Variants in RBFOX1 observed in about 807,000 individuals in gnomAD.
RBFOX1 encodes the protein RNA binding fox-1 homolog 1.
In RBFOX1, 8 loss-of-function variants were observed where a neutral mutation model predicts 57.7. The ratio of observed to expected loss-of-function variants is 0.14; its 90% CI spans 0.08 to 0.25. The LOEUF (loss-of-function observed/expected upper bound fraction) is 0.25, where lower values mean the gene tolerates loss of function less well. RBFOX1 is among the 10% of genes least tolerant of loss of function. The pLI, the probability that RBFOX1 is intolerant of heterozygous loss-of-function variation, is 1.00. For missense variants in RBFOX1, 611 were observed against 548.5 expected (o/e 1.11, Z -1.14); for synonymous variants, 326 against 222.4 (o/e 1.47, Z -4.15).
Position 5,878,029 on chromosome 16 carries a change from G to A in RBFOX1, c.351+10694G>A, listed in dbSNP as rs376610003. Reference sequence around the variant, plus strand: ...TGCTCTAGAACCAGTAAGGGGCATTGGAGACTATATACACAGACACCACAT... The same window carrying A: ...TGCTCTAGAACCAGTAAGGGGCATTAGAGACTATATACACAGACACCACAT... On this transcript the variant is annotated intron_variant, in intron 4 of 19. Coordinates refer to the RBFOX1 transcript ENST00000641259. Among the ~76,000 whole-genome samples, 9 of 152,306 alleles carry A rather than the reference G, an allele frequency of 5.9e-5. No homozygotes were observed. In the East Asian group the frequency reaches 1.2e-3, roughly 20 times the overall value.
intron 2 of RBFOX1, among the ~76,000 whole-genome samples, chr16:6,550,445 C>A (rs1264443646): frequency 6.6e-6 from 1 of 152,190 alleles, no homozygotes; most frequent in African/African-American, 2.4e-5. Context: ...TTCACCTAGG[C>A]CTCCCAAAGT....
chr16:6,280,208 A>C (rs1000394346), intron 1 of RBFOX1, among the ~76,000 whole-genome samples: 1 of 152,138 alleles, frequency 6.6e-6, no homozygotes, highest in African/African-American at 2.4e-5. Flanking sequence ...GCATTGTCCA[A>C]AGACTCTCTG....
At chr16:6,980,924 TC>T (rs1299557746) in intron 3 of RBFOX1, among the ~76,000 whole-genome samples, 4 of 150,530 alleles carry the variant, frequency 2.7e-5, no homozygotes, top group Non-Finnish European at 4.4e-5. Flanking sequence ...GTGCTTGTAA[TC>T]CCAATTAATC....
At chr16:5,303,374 G>A (rs2063851645) in intron 1 of RBFOX1, among the ~76,000 whole-genome samples, 1 of 152,222 alleles carries the variant, frequency 6.6e-6, no homozygotes, top group Admixed American at 6.5e-5. Context: ...TGCAGTAAAT[G>A]CTAGTCTTTT....
chr16:5,623,095 G>C lies in RBFOX1; in HGVS notation c.318+24134G>C, dbSNP rs9939227. On this transcript the variant is annotated intron_variant, in intron 3 of 19. Coordinates refer to the RBFOX1 transcript ENST00000641259. Reference sequence around the variant, plus strand: ...AACCAACCCCTCATGAACACCAAGGGATGACTGTGCTGTCTGGCCATTTCA... The same window carrying C: ...AACCAACCCCTCATGAACACCAAGGCATGACTGTGCTGTCTGGCCATTTCA... 5.3e-3 allele frequency among the ~76,000 whole-genome samples: 811 copies of C among 152,288 alleles called. 8 individuals are homozygous for C. The highest frequency in any genetic ancestry group is 0.019 in the African/African-American group (773 of 41,552).
intron 3 of RBFOX1, among the ~76,000 whole-genome samples, chr16:5,621,473 G>A (rs1470132214): frequency 6.6e-6 from 1 of 152,160 alleles, no homozygotes; most frequent in East Asian, 1.9e-4. Flanking sequence ...AGATACCGCT[G>A]TCAGTCATTG....
At chr16:7,061,317 T>A (rs111720258) in intron 4 of RBFOX1, among the ~76,000 whole-genome samples, 1 of 152,220 alleles carries the variant, frequency 6.6e-6, no homozygotes, top group Non-Finnish European at 1.5e-5. Flanking sequence ...AGAGCTTGTA[T>A]GTTCTCCAGT....
chr16:6,213,414 C>G (rs973582723), intron 1 of RBFOX1, among the ~76,000 whole-genome samples: 3 of 152,090 alleles, frequency 2.0e-5, no homozygotes, highest in Non-Finnish European at 4.4e-5. Flanking sequence ...CAACACTGGG[C>G]TGATTTACAA....
At chr16:7,651,158 C>T (rs143532264) in intron 11 of RBFOX1, among the ~76,000 whole-genome samples, 89 of 152,266 alleles carry the variant, frequency 5.8e-4, no homozygotes, top group African/African-American at 1.9e-3. Context: ...GTATTTTACC[C>T]GCATTGTGAT....
rs544053105 is a variant in RBFOX1, at chr16:6,609,964, C to T, written c.-63-44639C>T. 2.6e-4 allele frequency among the ~76,000 whole-genome samples: 40 copies of T among 152,064 alleles called. No individual in the cohort carries two copies. The South Asian group carries it at 5.8e-3, about 22-fold the overall frequency. On this transcript the variant is annotated intron_variant, in intron 2 of 15. Coordinates refer to ENST00000550418, the MANE Select transcript of RBFOX1 (RefSeq NM_018723.4). Reference sequence around the variant, plus strand: ...TGGAGGTTGCCGTGAGCCGAGATCACGCCATTGCACTCCAGGCCTGGCAGT... The same window carrying T: ...TGGAGGTTGCCGTGAGCCGAGATCATGCCATTGCACTCCAGGCCTGGCAGT...
At chr16:6,239,417 G>T (rs1428286266) in intron 1 of RBFOX1, among the ~76,000 whole-genome samples, 2 of 150,144 alleles carry the variant, frequency 1.3e-5, no homozygotes, top group Non-Finnish European at 3.0e-5. Flanking sequence ...CCCGTCCCAT[G>T]GCACTCATGG....
chr16:7,059,526 A>G (rs1001753550), intron 4 of RBFOX1, among the ~76,000 whole-genome samples: 1 of 152,218 alleles, frequency 6.6e-6, no homozygotes, highest in Non-Finnish European at 1.5e-5. Context: ...CATTTGTCAA[A>G]TAATCATTGA....
Position 6,288,378 on chromosome 16 carries a change from G to C in RBFOX1, c.-126-28617G>C, listed in dbSNP as rs1237407475. Reference sequence around the variant, plus strand: ...TCAGATTTGGAAGTTCTGGGTTAGAGCCTGAGATTCTGCTTTTCTGCTGAA... The same window carrying C: ...TCAGATTTGGAAGTTCTGGGTTAGACCCTGAGATTCTGCTTTTCTGCTGAA... On this transcript the variant is annotated intron_variant, in intron 1 of 15. Transcript: ENST00000550418. Among the ~76,000 whole-genome samples, 8 of 152,252 alleles carry C rather than the reference G, an allele frequency of 5.3e-5. No homozygotes were observed. In the East Asian group the frequency reaches 1.4e-3, roughly 26 times the overall value.
chr16:7,184,595 C>A (rs2083357903), intron 4 of RBFOX1, among the ~76,000 whole-genome samples: 1 of 152,194 alleles, frequency 6.6e-6, no homozygotes, highest in Non-Finnish European at 1.5e-5. Flanking sequence ...GTCTGTTTAG[C>A]AAACAGTATG....
intron 2 of RBFOX1, among the ~76,000 whole-genome samples, chr16:6,528,481 C>T (rs1228064963): frequency 1.3e-5 from 2 of 152,204 alleles, no homozygotes; most frequent in African/African-American, 2.4e-5. Flanking sequence ...AGCATCATCT[C>T]CAAAGGCAAC....
intron 4 of RBFOX1, among the ~76,000 whole-genome samples, chr16:7,472,057 C>T (rs1439196649): frequency 2.0e-5 from 3 of 152,174 alleles, no homozygotes; most frequent in African/African-American, 7.2e-5. Flanking sequence ...AATTTAGCTG[C>T]TATGCCTGGC....
At chr16:6,167,892 C>T (rs2096929425) in intron 1 of RBFOX1, among the ~76,000 whole-genome samples, 1 of 152,098 alleles carries the variant, frequency 6.6e-6, no homozygotes, top group Admixed American at 6.6e-5. Context: ...GTTGCTTGTC[C>T]TTTTAAAAAT....
chr16:6,566,650 C>T (rs989808631), intron 2 of RBFOX1, among the ~76,000 whole-genome samples: 4 of 152,142 alleles, frequency 2.6e-5, no homozygotes, highest in East Asian at 3.9e-4. Context: ...GACCCCTTTA[C>T]GCACACTCCT....
At chr16:6,015,378 G>A (rs1567260320), upstream of RBFOX1, among the ~76,000 whole-genome samples, 1 of 152,206 alleles carries the variant, frequency 6.6e-6, no homozygotes, top group Admixed American at 6.5e-5. Context: ...TGAAACATCA[G>A]TGAAGGCAGA....
Sources: gnomAD v4.1 joint callset for allele counts (sites outside exome capture counted in the v4.1 genomes callset) on GRCh38, gnomAD v4.1.1 for gene constraint, MANE v1.5 for transcripts, NCBI Gene and HGNC (gene_info 2026-07-23, HGNC 2026-07-21) for gene names.